The following DCC variants were observed in gnomAD, a reference collection of about 807,000 sequenced individuals.
DCC encodes the protein netrin receptor DCC.
Under a neutral mutation model 172.5 loss-of-function variants are expected in DCC, and 58 were observed. The observed-to-expected ratio is 0.34, with a 90% CI of 0.27 to 0.42. The LOEUF (loss-of-function observed/expected upper bound fraction) is 0.42, where lower values mean the gene tolerates loss of function less well. Ranked by LOEUF, DCC falls within the 10% of genes least tolerant of loss-of-function variation. The probability of loss-of-function intolerance (pLI) is 1.00; values close to 1 mark genes in which losing one functional copy is unlikely to be tolerated. For synonymous variants in DCC, 709 were observed against 644.5 expected (o/e 1.10, Z -1.52); for missense variants, 1,740 against 1,791.0 (o/e 0.97, Z 0.51).
chr18:53,132,655 T>C (rs1235147366), intron 7 of DCC, among the ~76,000 whole-genome samples: 1 of 152,106 alleles, frequency 6.6e-6, no homozygotes. Flanking sequence ...CATGCGGCAG[T>C]GATGTGAAGA....
At chr18:53,377,470 C>G (rs1173361262) in intron 15 of DCC, among the ~76,000 whole-genome samples, 1 of 151,694 alleles carries the variant, frequency 6.6e-6, no homozygotes, top group Admixed American at 6.6e-5. Context: ...AGCATTAATC[C>G]ATTCATGAGG....
chr18:53,205,455 G>T (rs1217315871), intron 10 of DCC, 91 bp downstream of exon 10: 8 of 1,269,834 alleles, frequency 6.3e-6, no homozygotes, highest in Middle Eastern at 1.9e-4. Flanking sequence ...GAAAAGACTC[G>T]CAAACTCTTG....
Position 53,499,519 on chromosome 18 carries a change from C to T in DCC, c.4111+9C>T, listed in dbSNP as rs770918011. On this transcript the variant is annotated intron_variant, in intron 27 of 28. Transcript: ENST00000442544. ...ACTTTTGTCTCAGCCAGGTAAAGTA[C>T]TCGGTTGTTCACCTTTAAAATTCTT... 6.2e-7 allele frequency: 1 copy of T among 1,606,112 alleles called. No homozygotes were observed. Among genetic ancestry groups the T allele is most frequent in the African/African-American group, 1.3e-5 (1 of 74,830 alleles).
intron 1 of DCC, among the ~76,000 whole-genome samples, chr18:52,530,045 C>T (rs924207364): frequency 1.1e-4 from 17 of 152,056 alleles, no homozygotes; most frequent in Non-Finnish European, 2.5e-4. Context: ...TGCAATTAAA[C>T]GTTAATATAT....
chr18:52,801,611 C>G (rs945046412), intron 2 of DCC, among the ~76,000 whole-genome samples: 2 of 152,214 alleles, frequency 1.3e-5, no homozygotes, highest in African/African-American at 4.8e-5. Flanking sequence ...TCTTGGACTT[C>G]TCAAAGTTTT....
intron 5 of DCC, among the ~76,000 whole-genome samples, chr18:52,988,051 G>T (rs563658747): frequency 6.6e-6 from 1 of 152,286 alleles, no homozygotes; most frequent in South Asian, 2.1e-4. Context: ...GTTGGTTAAT[G>T]AATATTGTGC....
chr18:52,492,990 A>G (rs2030581049), intron 1 of DCC, among the ~76,000 whole-genome samples: 1 of 152,130 alleles, frequency 6.6e-6, no homozygotes, highest in African/African-American at 2.4e-5. Flanking sequence ...TTTGCTGCCT[A>G]TCCAGTGGCA....
chr18:52,518,853 C>A (rs1317189342), intron 1 of DCC, among the ~76,000 whole-genome samples: 1 of 152,126 alleles, frequency 6.6e-6, no homozygotes, highest in Non-Finnish European at 1.5e-5. Flanking sequence ...TATCTACCTG[C>A]CTCTACATAC....
chr18:52,390,435 C>T (rs1397746091), intron 1 of DCC, among the ~76,000 whole-genome samples: 1 of 152,032 alleles, frequency 6.6e-6, no homozygotes, highest in Non-Finnish European at 1.5e-5. Flanking sequence ...TTTACCCTGC[C>T]TACAGACACT....
chr18:52,655,462 A>G (rs1371439397), intron 1 of DCC, among the ~76,000 whole-genome samples: 2 of 152,176 alleles, frequency 1.3e-5, no homozygotes, highest in African/African-American at 2.4e-5. Context: ...GGACAAATGG[A>G]CAAATAGCTT....
At chr18:52,651,218 A>G (rs1019175535) in intron 1 of DCC, among the ~76,000 whole-genome samples, 1 of 152,204 alleles carries the variant, frequency 6.6e-6, no homozygotes, top group Admixed American at 6.5e-5. Context: ...GCTGGAGTGC[A>G]GTGGTACAAA....
chr18:52,877,670 T>TG (rs1414259255), intron 2 of DCC, among the ~76,000 whole-genome samples: 3 of 151,808 alleles, frequency 2.0e-5, no homozygotes, highest in Admixed American at 1.3e-4. Context: ...ATAGCACCAC[T>TG]GTACTATAGC....
chr18:53,045,670 T>C (rs2042228489), intron 5 of DCC, among the ~76,000 whole-genome samples: 1 of 151,894 alleles, frequency 6.6e-6, no homozygotes, highest in Non-Finnish European at 1.5e-5. Context: ...TTCTTTTGAT[T>C]TGCCCTGCTG....
intron 2 of DCC, among the ~76,000 whole-genome samples, chr18:52,791,923 G>A (rs2037778665): frequency 6.6e-6 from 1 of 152,152 alleles, no homozygotes; most frequent in Admixed American, 6.5e-5. Context: ...TCCTGCTGAT[G>A]GGATAGTATT....
chr18:52,757,633 T>C (rs533757741), intron 2 of DCC, among the ~76,000 whole-genome samples: 1 of 152,148 alleles, frequency 6.6e-6, no homozygotes, highest in East Asian at 1.9e-4. Flanking sequence ...GGTAAAGCAA[T>C]GTTGACTGCT....
intron 5 of DCC, among the ~76,000 whole-genome samples, chr18:53,028,907 A>G (rs2041991564): frequency 6.6e-6 from 1 of 152,196 alleles, no homozygotes; most frequent in Non-Finnish European, 1.5e-5. Flanking sequence ...GGAATGAAGA[A>G]AATTACCTTC....
intron 19 of DCC, among the ~76,000 whole-genome samples, chr18:53,407,325 C>A (rs1032597554): frequency 1.3e-5 from 2 of 151,448 alleles, no homozygotes; most frequent in African/African-American, 4.9e-5. Flanking sequence ...ACTTTCGATA[C>A]CTCTTATGTG....
At chr18:52,633,525 T>G (rs1413226796) in intron 1 of DCC, among the ~76,000 whole-genome samples, 1 of 152,180 alleles carries the variant, frequency 6.6e-6, no homozygotes, top group East Asian at 1.9e-4. Context: ...ATCTATACAA[T>G]GATGGAGGCT....
At chr18:53,023,893 C>A (rs1482704677) in intron 5 of DCC, among the ~76,000 whole-genome samples, 4 of 152,086 alleles carry the variant, frequency 2.6e-5, no homozygotes, top group Non-Finnish European at 5.9e-5. Context: ...CCCCAAATTC[C>A]ACTTGATCGT....
Sources: allele counts gnomAD v4.1 joint callset (sites outside exome capture counted in the v4.1 genomes callset), GRCh38; gene constraint gnomAD v4.1.1; transcripts MANE v1.5; gene names NCBI Gene and HGNC (gene_info 2026-07-23, HGNC 2026-07-21).